KSR1: variants seen among roughly 807,000 people sequenced by gnomAD.
KSR1 encodes kinase suppressor of ras.
In KSR1, 35 loss-of-function variants were observed where a neutral mutation model predicts 92.9. That is an observed-to-expected ratio of 0.38 (90% CI 0.29 to 0.50). The LOEUF is 0.50. KSR1 is among the 20% of genes least tolerant of loss of function. The pLI is 0.94. For synonymous variants in KSR1, 467 were observed against 472.6 expected (o/e 0.99, Z 0.15); for missense variants, 972 against 1,158.5 (o/e 0.84, Z 2.34).
At chr17:27,550,490 C>A in intron 1 of KSR1, 78 bp from the exon 2 acceptor site, 1 of 743,772 alleles carries the variant, frequency 1.3e-6, no homozygotes, top group Non-Finnish European at 2.5e-6. Flanking sequence ...TGCCTGAGCT[C>A]CTCTGTAGTG....
chr17:27,503,787 C>T (rs1054792509), intron 1 of KSR1, among the ~76,000 whole-genome samples: 8 of 152,160 alleles, frequency 5.3e-5, no homozygotes, highest in East Asian at 1.9e-4. Context: ...CCTACCCTCT[C>T]GTGCTCCTAG....
At chr17:27,579,481 A>G (rs2072654163) in intron 3 of KSR1, 1 of 152,232 alleles carries the variant, frequency 6.6e-6, no homozygotes, top group Non-Finnish European at 1.5e-5. Context: ...TAAAGTCCTT[A>G]GATCAGAGCC....
chr17:27,597,824 G>A (rs759649836), intron 10 of KSR1, among the ~76,000 whole-genome samples: 4 of 152,212 alleles, frequency 2.6e-5, no homozygotes, highest in Non-Finnish European at 5.9e-5. Flanking sequence ...AACACAGGGA[G>A]CTAGAAGGCC....
chr17:27,609,935 G>A, intron 16 of KSR1, 132 bp from the exon 17 acceptor site: 2 of 1,161,082 alleles, frequency 1.7e-6, no homozygotes, highest in Non-Finnish European at 1.2e-6. Context: ...CAGGGTCAGT[G>A]TTCTGGGTCT....
intron 2 of KSR1, among the ~76,000 whole-genome samples, chr17:27,556,041 A>G (rs2151102061): frequency 6.6e-6 from 1 of 152,302 alleles, no homozygotes; most frequent in South Asian, 2.1e-4. Flanking sequence ...CTTTCCCCTT[A>G]AAGACCTGTA....
chr17:27,457,734 G>A (rs1233938460), intron 1 of KSR1, among the ~76,000 whole-genome samples: 1 of 152,174 alleles, frequency 6.6e-6, no homozygotes, highest in African/African-American at 2.4e-5. Flanking sequence ...AGGGCAACTA[G>A]TGGATTCTGA....
At chr17:27,506,066 GCCCC>G (rs1255061109) in intron 1 of KSR1, among the ~76,000 whole-genome samples, 1 of 152,150 alleles carries the variant, frequency 6.6e-6, no homozygotes, top group Non-Finnish European at 1.5e-5. Context: ...CTGGTTCAGG[GCCCC>G]CACCTAACCA....
intron 1 of KSR1, among the ~76,000 whole-genome samples, chr17:27,535,529 A>G (rs1597971886): frequency 6.6e-6 from 1 of 152,178 alleles, no homozygotes; most frequent in African/African-American, 2.4e-5. Flanking sequence ...GCTTCATTTC[A>G]CAGCCGGTTG....
chr17:27,608,276 C>T (rs149543669), intron 15 of KSR1, among the ~76,000 whole-genome samples: 1 of 152,334 alleles, frequency 6.6e-6, no homozygotes, highest in Non-Finnish European at 1.5e-5. Flanking sequence ...AGGCCAGTTT[C>T]AATCCTGGTC....
chr17:27,601,938 G>T, intron 11 of KSR1: 1 of 1,607,874 alleles, frequency 6.2e-7, no homozygotes, highest in Middle Eastern at 1.7e-4. Flanking sequence ...ATTGCAGAAA[G>T]TTTAAAGGAA....
At chr17:27,481,948 T>C (rs1233364435) in intron 1 of KSR1, among the ~76,000 whole-genome samples, 1 of 152,218 alleles carries the variant, frequency 6.6e-6, no homozygotes, top group East Asian at 1.9e-4. Flanking sequence ...TGATGCTAGT[T>C]GTGTTCATTG....
chr17:27,465,573 A>T (rs1457489542), intron 1 of KSR1: 1 of 152,186 alleles, frequency 6.6e-6, no homozygotes, highest in African/African-American at 2.4e-5. Context: ...TAAAATTTTT[A>T]AAAAAGGGGG....
chr17:27,577,961 T>C lies in KSR1; in HGVS notation c.520+322T>C. On this transcript the variant is annotated intron_variant, in intron 3 of 20. Transcript: ENST00000644974. This position sits in a 1 kb window ranked among gnomAD's most constrained non-coding sequence, Gnocchi z 4.5. The stretch of plus-strand genomic sequence containing the variant: ...GTGTACCCTCTGCCAGCTTCCCACA[T>C]TCCAGCCCCCAGCCCTCTCCCCGTC... 2.2e-6 allele frequency: 1 copy of C among 447,190 alleles called. No homozygotes were observed. Among genetic ancestry groups the C allele is most frequent in the Non-Finnish European group, 4.2e-6 (1 of 239,806 alleles). 27.7% of individuals were successfully genotyped at this position (447,190 alleles called of 1,614,324 possible).
At chr17:27,509,720 G>A (rs889244423) in intron 1 of KSR1, among the ~76,000 whole-genome samples, 1 of 152,168 alleles carries the variant, frequency 6.6e-6, no homozygotes, top group Non-Finnish European at 1.5e-5. Context: ...CATGCTTATA[G>A]TCCCAGCTAC....
intron 1 of KSR1, among the ~76,000 whole-genome samples, chr17:27,508,676 G>A (rs1170383801): frequency 6.6e-6 from 1 of 151,720 alleles, no homozygotes; most frequent in African/African-American, 2.4e-5. Flanking sequence ...TGTCTTCACT[G>A]GGCCCTCTTT....
intron 2 of KSR1, among the ~76,000 whole-genome samples, chr17:27,564,300 T>G (rs2071969660): frequency 6.6e-6 from 1 of 152,232 alleles, no homozygotes; most frequent in Admixed American, 6.5e-5. Flanking sequence ...CTTCAGTAGC[T>G]ATTTGTTGAC....
At chr17:27,617,553 G>A (rs1258615328) in intron 19 of KSR1, 125 bp downstream of exon 19, 2 of 1,175,570 alleles carry the variant, frequency 1.7e-6, no homozygotes, top group Non-Finnish European at 2.3e-6. Flanking sequence ...TTGAGACAGA[G>A]TCTCGCTCTT....
chr17:27,600,090 CTTTT>C (rs552526373), intron 10 of KSR1, among the ~76,000 whole-genome samples: 2 of 115,304 alleles, frequency 1.7e-5, no homozygotes, highest in Non-Finnish European at 1.7e-5. Flanking sequence ...TTACAGATAA[CTTTT>C]TTTTTTTTTT....
intron 1 of KSR1, among the ~76,000 whole-genome samples, chr17:27,546,420 A>G (rs1004858681): frequency 6.6e-6 from 1 of 152,186 alleles, no homozygotes; most frequent in African/African-American, 2.4e-5. Context: ...AGCCTAGTAT[A>G]TGGTGGATTT....
Sources: allele counts gnomAD v4.1 joint callset (sites outside exome capture counted in the v4.1 genomes callset), GRCh38; gene constraint gnomAD v4.1.1; non-coding constraint Gnocchi (gnomAD v3.1); transcripts MANE v1.5; gene names NCBI Gene and HGNC (gene_info 2026-07-23, HGNC 2026-07-21).